SOAT2: variants seen among roughly 807,000 people sequenced by gnomAD.
SOAT2 encodes ACAT-2.
In SOAT2, 87 loss-of-function variants were observed where a neutral mutation model predicts 76.0. The ratio of observed to expected loss-of-function variants is 1.14; its 90% CI spans 0.96 to 1.37. The LOEUF (loss-of-function observed/expected upper bound fraction) is 1.37. SOAT2 is among the 40% of genes most tolerant of loss of function. The pLI, the probability that SOAT2 is intolerant of heterozygous loss-of-function variation, is 0.00. For missense variants in SOAT2, 686 were observed against 682.1 expected (o/e 1.01, Z -0.06); for synonymous variants, 285 against 275.4 (o/e 1.03, Z -0.34).
At position 53,103,582 on chromosome 12, in the gene SOAT2, A is replaced by G. The variant is rs1328236733; in HGVS notation, c.5A>G (p.Glu2Gly). 40 of 1,546,198 alleles carry G rather than the reference A, an allele frequency of 2.6e-5. No homozygotes were observed. The highest frequency in any genetic ancestry group is 3.5e-5 in the Non-Finnish European group (40 of 1,146,778). The change falls in exon 1 of 15, where the codon GAG (glutamate) becomes GGG (glycine). Residue 2 changes from glutamate (E) to glycine (G), a missense_variant. Glu to Gly is a moderately conservative substitution (Grantham distance 98). Transcript: ENST00000301466. The stretch of plus-strand genomic sequence containing the variant: ...CTGCCCGCTGGAGACCGCACCATGG[A>G]GCCAGGCGGGGCCCGTCTGCGTCTG... M[E>G]PGGARLRLQR...
chr12:53,106,790 A>C (rs1391540309), intron 5 of SOAT2, among the ~76,000 whole-genome samples: 2 of 152,252 alleles, frequency 1.3e-5, no homozygotes, highest in African/African-American at 2.4e-5. Context: ...ATAAGTGATT[A>C]ACTTCTTTTA....
At chr12:53,117,078 C>A (rs536765917) in intron 7 of SOAT2, among the ~76,000 whole-genome samples, 3 of 151,390 alleles carry the variant, frequency 2.0e-5, no homozygotes, top group East Asian at 4.0e-4. Context: ...CCTGCCTCAG[C>A]CTCCTGAGTA....
rs531814840 is a variant in SOAT2 at position 53,109,106 on chromosome 12, G to A, written c.443+3092G>A. Among the ~76,000 whole-genome samples, 51 of 152,240 alleles carry A rather than the reference G, an allele frequency of 3.3e-4. No individual in the cohort carries two copies. The South Asian group carries it at 6.4e-3, about 19-fold the overall frequency. On this transcript the variant is annotated intron_variant, in intron 5 of 14. Transcript: ENST00000301466. Reference sequence around the variant, plus strand: ...ACAAAAATTAGCTGAGCATGGTGGCGCATGCCTGTAGTCCTAGCTACTTGA... The same window carrying A: ...ACAAAAATTAGCTGAGCATGGTGGCACATGCCTGTAGTCCTAGCTACTTGA...
rs147241754 is a variant in SOAT2 at position 53,120,208 on chromosome 12, A to G, written c.1040-578A>G. Among the ~76,000 whole-genome samples the G allele has an allele frequency of 2.1e-3, 315 of 152,190 alleles. 1 individual carries two copies. The highest frequency in any genetic ancestry group is 7.3e-3 in the African/African-American group (303 of 41,526). On this transcript the variant is annotated intron_variant, in intron 10 of 14. Transcript: ENST00000301466. ...AAAATAGCCAGGCATGGTGGCTCAC[A>G]CCTGTAATCCCAGCACTTTGGGAGG...
chr12:53,114,859 A>T (rs1938078120), intron 5 of SOAT2, among the ~76,000 whole-genome samples: 1 of 152,218 alleles, frequency 6.6e-6, no homozygotes, highest in Non-Finnish European at 1.5e-5. Context: ...TTACTCCCTA[A>T]CAATTTATTT....
intron 1 of SOAT2, 101 bp from the exon 2 acceptor site, chr12:53,104,050 C>A (rs1362783804): frequency 3.1e-6 from 3 of 977,266 alleles, no homozygotes; most frequent in East Asian, 2.4e-5. Context: ...GGGGTGAGGG[C>A]AGCTGCTGAG....
Position 53,119,074 on chromosome 12 carries a change from G to A in SOAT2, c.910-50G>A, listed in dbSNP as rs372779243. On this transcript the variant is annotated intron_variant, in intron 9 of 14. Coordinates refer to ENST00000301466, the MANE Select transcript of SOAT2 (RefSeq NM_003578.4). ...TGCTGGGCCAGAGGTCAATGCCACC[G>A]GCAGCTGCCAGCATCCCTCTCCAGT... The A allele has an allele frequency of 3.9e-5, 63 of 1,612,090 alleles. No homozygotes were observed. In the African/African-American group the frequency reaches 4.0e-4, roughly 10 times the overall value.
intron 11 of SOAT2, 45 bp downstream of exon 11, chr12:53,120,928 G>T (rs372000145): frequency 3.5e-6 from 5 of 1,425,060 alleles, no homozygotes; most frequent in Non-Finnish European, 5.0e-6. Context: ...GATAGGGAGG[G>T]TTAGGGAGGG....
chr12:53,120,165 A>G (rs1013068272), intron 10 of SOAT2, among the ~76,000 whole-genome samples: 2 of 152,000 alleles, frequency 1.3e-5, no homozygotes, highest in African/African-American at 4.8e-5. Context: ...GTGAGATCTC[A>G]TCTCTACAAA....
intron 13 of SOAT2, 139 bp from the exon 14 acceptor site, chr12:53,123,589 G>C (rs770165632): frequency 2.0e-6 from 2 of 995,686 alleles, no homozygotes; most frequent in East Asian, 5.1e-5. Flanking sequence ...AGACCTCTAC[G>C]AATTTCTGCA....
intron 5 of SOAT2, among the ~76,000 whole-genome samples, chr12:53,113,308 T>G (rs1938051746): frequency 6.6e-6 from 1 of 152,158 alleles, no homozygotes; most frequent in South Asian, 2.1e-4. Flanking sequence ...AACAATAGGC[T>G]CCCGGCATAT....
Position 53,105,039 on chromosome 12 carries a change from A to G in SOAT2, c.139-68A>G, listed in dbSNP as rs569736015. ...GCCTGGCATAGACAGAAATTCAGTG[A>G]ATGTCTGGTGAATGAAAGGATGGCT... On this transcript the variant is annotated intron_variant, in intron 2 of 14. Transcript: ENST00000301466. 21 of 1,467,124 alleles carry G rather than the reference A, an allele frequency of 1.4e-5. No homozygotes were observed. In the East Asian group the frequency reaches 5.4e-4, roughly 37 times the overall value. The allele number at this position is 1,467,124 out of a possible 1,614,324, so 90.9% of individuals were successfully genotyped here.
intron 5 of SOAT2, among the ~76,000 whole-genome samples, chr12:53,107,207 C>T (rs1937949113): frequency 1.3e-5 from 2 of 152,084 alleles, no homozygotes; most frequent in Non-Finnish European, 2.9e-5. Flanking sequence ...GATGGGGAGT[C>T]GTAATCTTTC....
intron 14 of SOAT2, 41 bp downstream of exon 14, chr12:53,123,914 GAC>G: frequency 6.2e-7 from 1 of 1,612,840 alleles, no homozygotes; most frequent in South Asian, 1.1e-5. Flanking sequence ...CATCCATGAG[GAC>G]ACACAGACCA....
At position 53,105,697 on chromosome 12, in the gene SOAT2, C is replaced by G. The variant is rs951900526; in HGVS notation, c.335+77C>G. On this transcript the variant is annotated intron_variant, in intron 4 of 14. Coordinates refer to ENST00000301466, the MANE Select transcript of SOAT2 (RefSeq NM_003578.4). ...GGGGTCAAGGTACCTCATTTCTCAT[C>G]CCCAGCCTCTAGGTGGTTTGTGGAG... The G allele has an allele frequency of 6.8e-6, 9 of 1,327,082 alleles. 1 individual carries two copies. The highest frequency in any genetic ancestry group is 5.9e-5 in the Admixed American group (3 of 50,822). The allele number at this position is 1,327,082 out of a possible 1,614,324, so 82.2% of individuals were successfully genotyped here.
At position 53,123,151 on chromosome 12, in the gene SOAT2, A is replaced by G. The variant is rs773524610; in HGVS notation, c.1307A>G (p.Tyr436Cys). Residue 436 changes from tyrosine to cysteine, a missense_variant, in exon 13 of 15, where the codon TAT becomes TGT. Coordinates refer to ENST00000301466, the MANE Select transcript of SOAT2 (RefSeq NM_003578.4). ...VFLVSAVAHE[Y>C]IFCFVLGFFY... ...CTGGTCTCCGCAGTGGCCCATGAGTATATCTTCTGCTTCGTCCTGGGGTTC... is the reference window on the plus strand; with the variant it reads ...CTGGTCTCCGCAGTGGCCCATGAGTGTATCTTCTGCTTCGTCCTGGGGTTC... 3 of 1,613,756 alleles carry G rather than the reference A, an allele frequency of 1.9e-6. No homozygotes were observed. Among genetic ancestry groups the G allele is most frequent in the African/African-American group, 1.3e-5 (1 of 74,838 alleles).
chr12:53,110,174 T>C (rs1937991567), intron 5 of SOAT2, among the ~76,000 whole-genome samples: 1 of 152,244 alleles, frequency 6.6e-6, no homozygotes, highest in African/African-American at 2.4e-5. Flanking sequence ...CTTATACACC[T>C]TGCACATAAA....
Position 53,124,075 on chromosome 12 carries a change from A to C in SOAT2, c.1521A>C (p.Ala507=). ...YARRHCPLPQ[A]TFWGLVTPRS... ...CGACTTATTCTTCTCTGGCTCAGGC[A>C]ACTTTCTGGGGGCTGGTGACACCTC... The change falls in exon 15 of 15, where the codon GCA becomes GCC. Residue 507 remains alanine (A), a splice_region_variant and synonymous_variant. Coordinates refer to ENST00000301466, the MANE Select transcript of SOAT2 (RefSeq NM_003578.4). 6.2e-7 allele frequency: 1 copy of C among 1,614,178 alleles called. No homozygotes were observed. Among genetic ancestry groups the C allele is most frequent in the Non-Finnish European group, 8.5e-7 (1 of 1,180,032 alleles).
chr12:53,124,515 CT>C lies in SOAT2; in HGVS notation c.*395del. On this transcript the variant is annotated 3_prime_UTR_variant, in exon 15 of 15. Transcript: ENST00000301466. ...GTATTCCTTCCAATACAGCAATAAACTTTGTCTCCCTTTTTATTCATTCATT... is the reference window on the plus strand; with the variant it reads ...GTATTCCTTCCAATACAGCAATAAACTTGTCTCCCTTTTTATTCATTCATT... 5.0e-6 allele frequency: 1 copy of C among 198,776 alleles called. No homozygotes were observed. The highest frequency in any genetic ancestry group is 1.2e-4 in the East Asian group (1 of 8,176). 12.3% of individuals were successfully genotyped at this position (198,776 alleles called of 1,614,324 possible). A position where few individuals can be genotyped will look rare whatever the true frequency, so the allele number is the denominator to read the frequency against.
Sources: allele counts gnomAD v4.1 joint callset (sites outside exome capture counted in the v4.1 genomes callset), GRCh38; gene constraint gnomAD v4.1.1; transcripts MANE v1.5; gene names NCBI Gene and HGNC (gene_info 2026-07-23, HGNC 2026-07-21).